Variants in RIMS2 observed in about 807,000 individuals in gnomAD.
RIMS2 encodes regulating synaptic membrane exocytosis protein 2.
In RIMS2, 59 loss-of-function variants were observed where a neutral mutation model predicts 174.4. The observed-to-expected ratio is 0.34, with a 90% confidence interval of 0.27 to 0.42. The LOEUF (loss-of-function observed/expected upper bound fraction) is 0.42, where lower values mean the gene tolerates loss of function less well. RIMS2 is among the 10% of genes least tolerant of loss of function. The pLI is 1.00. For missense variants in RIMS2, 1,620 were observed against 1,666.3 expected (o/e 0.97, Z 0.48); for synonymous variants, 606 against 572.5 (o/e 1.06, Z -0.84).
chr8:104,108,970 T>C (rs992886014), intron 19 of RIMS2, among the ~76,000 whole-genome samples: 3 of 152,152 alleles, frequency 2.0e-5, no homozygotes, highest in Non-Finnish European at 4.4e-5. Context: ...CACTGACTCA[T>C]AGTAAGCATA....
chr8:103,723,402 C>T (rs62527094), intron 2 of RIMS2, among the ~76,000 whole-genome samples: 1,852 of 152,310 alleles, frequency 0.012, 27 homozygotes, highest in Non-Finnish European at 0.021. Context: ...GATTCTAGAC[C>T]AAGTGTCTTC....
chr8:103,560,857 G>C lies in RIMS2; in HGVS notation c.176+59795G>C, dbSNP rs573521564. On this transcript the variant is annotated intron_variant, in intron 1 of 23. Transcript: ENST00000504942. ...TAATAAATATAGGTGTTCTTTTTAT[G>C]TTAAGTAGGAATCCTTAGCAACTTA... Among the ~76,000 whole-genome samples, 3 of 152,186 alleles carry C rather than the reference G, an allele frequency of 2.0e-5. No homozygotes were observed. In the East Asian group the frequency reaches 5.8e-4, roughly 29 times the overall value.
chr8:103,978,173 T>G (rs76744027), intron 16 of RIMS2, among the ~76,000 whole-genome samples: 2,004 of 152,310 alleles, frequency 0.013, 58 homozygotes, highest in African/African-American at 0.046. Context: ...CCAAATGTAT[T>G]TCATATTATA....
chr8:103,503,240 G>A (rs1438040964), intron 1 of RIMS2, among the ~76,000 whole-genome samples: 3 of 151,772 alleles, frequency 2.0e-5, no homozygotes, highest in Non-Finnish European at 3.0e-5. Context: ...TTAACAAAAA[G>A]TTATTTGGAG....
rs73287111 is a variant in RIMS2, at chr8:103,593,079, C to G, written c.176+92017C>G. Among the ~76,000 whole-genome samples, 762 of 151,354 alleles carry G rather than the reference C, an allele frequency of 5.0e-3. 8 individuals carry two copies. The highest frequency in any genetic ancestry group is 0.017 in the African/African-American group (722 of 41,402). On this transcript the variant is annotated intron_variant, in intron 1 of 23. Transcript: ENST00000504942. ...TGAAGACATTTTCTTGAAATTGAACCAAGTTGAGCCTGTCACTTAAAGGAA... is the reference window on the plus strand; with the variant it reads ...TGAAGACATTTTCTTGAAATTGAACGAAGTTGAGCCTGTCACTTAAAGGAA...
intron 2 of RIMS2, among the ~76,000 whole-genome samples, chr8:103,700,701 G>T (rs1034397417): frequency 1.3e-4 from 19 of 151,508 alleles, no homozygotes; most frequent in Non-Finnish European, 2.4e-4. Context: ...TCTGTTCTTT[G>T]TTTTTTCAAT....
At chr8:103,939,301 A>G (rs2154536987) in intron 13 of RIMS2, among the ~76,000 whole-genome samples, 1 of 152,276 alleles carries the variant, frequency 6.6e-6, no homozygotes, top group South Asian at 2.1e-4. Context: ...ACTTCTGTGC[A>G]CCTGCAGGCT....
intron 19 of RIMS2, among the ~76,000 whole-genome samples, chr8:104,139,708 CA>C (rs2098550834): frequency 6.6e-6 from 1 of 152,096 alleles, no homozygotes; most frequent in South Asian, 2.1e-4. Flanking sequence ...CATCTGCAAA[CA>C]AAGATAATTT....
At chr8:103,913,673 A>C (rs1202395967) in intron 6 of RIMS2, among the ~76,000 whole-genome samples, 3 of 152,152 alleles carry the variant, frequency 2.0e-5, no homozygotes, top group East Asian at 3.9e-4. Context: ...GCTTCTGGGG[A>C]GGCCTCAGGA....
chr8:103,792,866 C>T (rs969193000), intron 3 of RIMS2, among the ~76,000 whole-genome samples: 3 of 152,084 alleles, frequency 2.0e-5, no homozygotes, highest in Admixed American at 2.0e-4. Flanking sequence ...CATACACCTT[C>T]CGAAGACTAA....
intron 3 of RIMS2, among the ~76,000 whole-genome samples, chr8:103,808,810 C>G (rs184243669): frequency 6.6e-6 from 1 of 152,264 alleles, no homozygotes; most frequent in East Asian, 1.9e-4. Context: ...TCCAGGCCAA[C>G]TAAAATCTTG....
At chr8:103,808,586 CA>C (rs1273389997) in intron 3 of RIMS2, among the ~76,000 whole-genome samples, 2 of 152,106 alleles carry the variant, frequency 1.3e-5, no homozygotes, top group African/African-American at 4.8e-5. Flanking sequence ...AGCAATCCAT[CA>C]TCTTCCCCTT....
intron 17 of RIMS2, among the ~76,000 whole-genome samples, chr8:103,996,578 C>T (rs1467220457): frequency 6.6e-6 from 1 of 151,892 alleles, no homozygotes; most frequent in African/African-American, 2.4e-5. Flanking sequence ...ATCACTGCCT[C>T]TCTACAGAGA....
At chr8:103,923,475 ATT>A (rs1482915030) in intron 10 of RIMS2, among the ~76,000 whole-genome samples, 1 of 151,818 alleles carries the variant, frequency 6.6e-6, no homozygotes, top group East Asian at 1.9e-4. Flanking sequence ...AAATTCAACT[ATT>A]TTTCTTCATG....
intron 3 of RIMS2, among the ~76,000 whole-genome samples, chr8:103,878,298 C>G (rs2099151133): frequency 6.6e-6 from 1 of 151,746 alleles, no homozygotes; most frequent in African/African-American, 2.4e-5. Flanking sequence ...TTCTTTATAG[C>G]AGTGTGAGAA....
chr8:103,964,729 A>C (rs2154546248), intron 15 of RIMS2, among the ~76,000 whole-genome samples: 1 of 152,184 alleles, frequency 6.6e-6, no homozygotes, highest in Admixed American at 6.5e-5. Context: ...TATATCTAAA[A>C]ATTTATTGCC....
intron 1 of RIMS2, among the ~76,000 whole-genome samples, chr8:103,567,102 A>T (rs535110873): frequency 6.6e-6 from 1 of 152,262 alleles, no homozygotes; most frequent in Middle Eastern, 3.4e-3. Context: ...TTTTATGACT[A>T]CTTTCACTTA....
At chr8:103,707,291 T>A (rs2114249) in intron 2 of RIMS2, among the ~76,000 whole-genome samples, 9,931 of 152,262 alleles carry the variant, frequency 0.065, 400 homozygotes, top group South Asian at 0.087. Context: ...TTTAGTAAAT[T>A]TGGTGAAGTC....
Position 103,918,425 on chromosome 8 carries a change from T to TG in RIMS2, c.2037-16_2037-15insG. The TG allele has an allele frequency of 6.6e-7, 1 of 1,523,564 alleles. No homozygotes were observed. Among genetic ancestry groups the TG allele is most frequent in the Middle Eastern group, 1.8e-4 (1 of 5,696 alleles). The allele number at this position is 1,523,564 out of a possible 1,614,324, so 94.4% of individuals were successfully genotyped here. A position where few individuals can be genotyped will look rare whatever the true frequency, so the allele number is the denominator to read the frequency against. ...GAAACAGTTTCTGTCTTTCTTTTTTTTTTTAATCATTTCAGAGATATACCG... is the reference window on the plus strand; with the variant it reads ...GAAACAGTTTCTGTCTTTCTTTTTTTGTTTTAATCATTTCAGAGATATACCG... On this transcript the variant is annotated splice_polypyrimidine_tract_variant and intron_variant, in intron 8 of 23. Coordinates refer to ENST00000504942, the Ensembl canonical transcript of RIMS2.
Sources: gnomAD v4.1 joint callset for allele counts (sites outside exome capture counted in the v4.1 genomes callset) on GRCh38, gnomAD v4.1.1 for gene constraint, MANE v1.5 for transcripts, NCBI Gene and HGNC (gene_info 2026-07-23, HGNC 2026-07-21) for gene names.